Variants in RGS6 observed in about 807,000 individuals in gnomAD.
RGS6 encodes the protein regulator of G protein signaling 6.
RGS6 carries 30 observed loss-of-function variants against 78.5 expected under a neutral mutation model. That is an observed-to-expected ratio of 0.38 (90% CI 0.29 to 0.52). The LOEUF (loss-of-function observed/expected upper bound fraction) is 0.52, where lower values mean the gene tolerates loss of function less well. Ranked by LOEUF, RGS6 falls within the 20% of genes least tolerant of loss-of-function variation. RGS6 has a pLI of 0.85. For synonymous variants in RGS6, 206 were observed against 206.0 expected, an observed-to-expected ratio of 1.00 and a Z score of 0.00; for missense variants, 495 against 609.7, an observed-to-expected ratio of 0.81 and a Z score of 1.98.
chr14:72,052,782 T>C (rs2093328551), intron 2 of RGS6, among the ~76,000 whole-genome samples: 1 of 152,162 alleles, frequency 6.6e-6, no homozygotes, highest in Admixed American at 6.5e-5. Context: ...GGCATTTTTG[T>C]AAGTGTGTTA....
At chr14:72,267,727 T>G (rs2153903579) in intron 2 of RGS6, among the ~76,000 whole-genome samples, 1 of 152,318 alleles carries the variant, frequency 6.6e-6, no homozygotes, top group Middle Eastern at 3.4e-3. Flanking sequence ...AGAAACTAAT[T>G]ACCTGAACTG....
chr14:72,206,661 G>T (rs1169247447), intron 2 of RGS6, among the ~76,000 whole-genome samples: 2 of 152,114 alleles, frequency 1.3e-5, no homozygotes, highest in Non-Finnish European at 1.5e-5. Flanking sequence ...AAGAGAGTTT[G>T]TCCAGGGAAA....
chr14:72,237,682 G>T (rs544475539), intron 2 of RGS6, among the ~76,000 whole-genome samples: 1 of 152,144 alleles, frequency 6.6e-6, no homozygotes, highest in Non-Finnish European at 1.5e-5. Flanking sequence ...TGCAGGACTT[G>T]TGAAAGGGGT....
rs115152216 is a variant in RGS6 at position 72,345,922 on chromosome 14, A to G, written c.85-6173A>G. The stretch of plus-strand genomic sequence containing the variant: ...AGAGCCTGCTCAATGAAGCATGCAC[A>G]TTTTGGATTAAGAAATATGATTATC... On this transcript the variant is annotated intron_variant, in intron 2 of 17. Transcript: ENST00000553525. Among the ~76,000 whole-genome samples, 255 of 152,310 alleles carry G rather than the reference A, an allele frequency of 1.7e-3. 1 individual carries two copies. The highest frequency in any genetic ancestry group is 6.0e-3 in the African/African-American group (251 of 41,570).
intron 3 of RGS6, among the ~76,000 whole-genome samples, chr14:72,390,065 CAG>C (rs990861024): frequency 2.1e-5 from 3 of 143,568 alleles, no homozygotes; most frequent in African/African-American, 7.8e-5. Flanking sequence ...CCAAATAAAA[CAG>C]AAAAGTATAA....
At chr14:72,053,089 C>CTTCCTTCCTTCCTTCCTTTCTTTT (rs2093422171) in intron 2 of RGS6, among the ~76,000 whole-genome samples, 1 of 45,698 alleles carries the variant, frequency 2.2e-5, no homozygotes, top group Non-Finnish European at 4.3e-5. Context: ...CCCTTCCTTC[C>CTTCCTTCCTTCCTTCCTTTCTTTT]TTCCTTCCTT....
intron 2 of RGS6, among the ~76,000 whole-genome samples, chr14:72,250,340 T>C (rs1174813066): frequency 6.8e-6 from 1 of 146,064 alleles, no homozygotes; most frequent in Non-Finnish European, 1.5e-5. Context: ...CTTCCTTGAA[T>C]TTGTAAGAAA....
intron 2 of RGS6, among the ~76,000 whole-genome samples, chr14:72,043,744 C>T (rs1383888675): frequency 2.0e-5 from 3 of 152,190 alleles, no homozygotes; most frequent in African/African-American, 7.2e-5. Flanking sequence ...GGTCTCTAAG[C>T]TTCCTAGATT....
chr14:72,527,366 T>A (rs76336215), intron 15 of RGS6, among the ~76,000 whole-genome samples: 6,221 of 152,318 alleles, frequency 0.041, 324 homozygotes, highest in African/African-American at 0.12. Flanking sequence ...AAAGCAGCAC[T>A]TCAATGTGAG....
intron 3 of RGS6, among the ~76,000 whole-genome samples, chr14:72,355,374 T>C (rs1266819712): frequency 2.6e-5 from 4 of 152,168 alleles, no homozygotes; most frequent in African/African-American, 7.2e-5. Flanking sequence ...TTTGTATTTT[T>C]AGTAGAGACA....
intron 2 of RGS6, among the ~76,000 whole-genome samples, chr14:72,176,127 C>A (rs528287695): frequency 6.6e-6 from 1 of 152,262 alleles, no homozygotes; most frequent in East Asian, 1.9e-4. Context: ...TCCAGTCCAC[C>A]CCTTAGTTGA....
intron 15 of RGS6, among the ~76,000 whole-genome samples, chr14:72,530,725 A>G (rs1455897329): frequency 6.6e-6 from 1 of 152,174 alleles, no homozygotes; most frequent in East Asian, 1.9e-4. Flanking sequence ...TAAAGAGACA[A>G]CAAATGAAAC....
At chr14:72,540,891 C>T (rs1053796422) in intron 17 of RGS6, 2 of 985,266 alleles carry the variant, frequency 2.0e-6, no homozygotes, top group Non-Finnish European at 2.4e-6. Context: ...TAAAGACAGC[C>T]GTGGCAACAG....
chr14:72,223,620 G>A (rs1047522213), intron 2 of RGS6, among the ~76,000 whole-genome samples: 2 of 152,186 alleles, frequency 1.3e-5, no homozygotes, highest in African/African-American at 4.8e-5. Flanking sequence ...GCATGGTGAT[G>A]CCACCTAGTC....
chr14:72,394,313 T>G (rs2058017), intron 3 of RGS6, among the ~76,000 whole-genome samples: 82,510 of 151,826 alleles, frequency 0.54, 24,556 homozygotes, highest in African/African-American at 0.79. Context: ...TGTACAAATA[T>G]GGTGTGGGTC....
At chr14:72,511,018 C>T (rs1355403510) in intron 14 of RGS6, among the ~76,000 whole-genome samples, 2 of 152,160 alleles carry the variant, frequency 1.3e-5, no homozygotes, top group Admixed American at 6.5e-5. Flanking sequence ...AAGGAAAAGT[C>T]TCCTTGGTTA....
intron 2 of RGS6, among the ~76,000 whole-genome samples, chr14:72,188,386 AC>A (rs2097276669): frequency 2.0e-5 from 3 of 152,028 alleles, no homozygotes; most frequent in Admixed American, 6.6e-5. Context: ...AGGCTAACCT[AC>A]CCCTTGGAGT....
chr14:72,447,341 G>A (rs2095390777), intron 3 of RGS6, among the ~76,000 whole-genome samples: 1 of 152,184 alleles, frequency 6.6e-6, no homozygotes, highest in Admixed American at 6.5e-5. Context: ...AGAGGTCCCA[G>A]TCTCTCAGTG....
the RGS6 span, among the ~76,000 whole-genome samples, chr14:72,587,035 G>A: frequency 6.6e-6 from 1 of 152,158 alleles, no homozygotes; most frequent in Non-Finnish European, 1.5e-5. Flanking sequence ...ACAGCCCCCA[G>A]AGTGTGTTAG....
Sources: allele counts gnomAD v4.1 joint callset (sites outside exome capture counted in the v4.1 genomes callset), GRCh38; gene constraint gnomAD v4.1.1; transcripts MANE v1.5; gene names NCBI Gene and HGNC (gene_info 2026-07-23, HGNC 2026-07-21).